The following ZNF415 variants were observed in gnomAD, a reference collection of about 807,000 sequenced individuals.
ZNF415 encodes the protein zinc finger protein 415.
Under a neutral mutation model 7.3 loss-of-function variants are expected in ZNF415, and 5 were observed. The ratio of observed to expected loss-of-function variants is 0.69; its 90% CI spans 0.36 to 1.44. The LOEUF is 1.44. Ranked by LOEUF, ZNF415 falls within the 40% of genes most tolerant of loss-of-function variation. The pLI is 0.04. For missense variants in ZNF415, 628 were observed against 664.8 expected, an observed-to-expected ratio of 0.94 and a Z score of 0.61; for synonymous variants, 207 against 226.3, an observed-to-expected ratio of 0.91 and a Z score of 0.77.
At position 53,123,592 on chromosome 19, in the gene ZNF415, C is replaced by T. The variant is rs577452888; in HGVS notation, c.-67-849G>A. On this transcript the variant is annotated intron_variant, in intron 1 of 3. Transcript: ENST00000243643. ...AAGCTCGGCCCAGGAACAGGAAGGA[C>T]GCATGCTTGGCTGGAGCAGAGGGAG... 8.8e-4 allele frequency: 350 copies of T among 398,812 alleles called. 2 individuals carry two copies. Among genetic ancestry groups the T allele is most frequent in the African/African-American group, 6.3e-3 (304 of 48,636 alleles). 24.7% of individuals were successfully genotyped at this position (398,812 alleles called of 1,614,324 possible). A position where few individuals can be genotyped will look rare whatever the true frequency, so the allele number is the denominator to read the frequency against.
Position 53,108,536 on chromosome 19 carries a change from T to C in ZNF415, c.1509A>G (p.Lys503=), listed in dbSNP as rs2085713645. Residue 503 remains lysine (K), a synonymous_variant, in exon 4 of 4, where the codon AAA becomes AAG. Coordinates refer to ENST00000243643, the MANE Select transcript of ZNF415 (RefSeq NM_018355.4). ...EKPYKCNECG[K]SFSVRPNLTR... is the part of the protein sequence containing the mutation. The stretch of plus-strand genomic sequence containing the variant: ...TGAGGTTTGGGCGCACACTAAAGGA[T>C]TTGCCACACTCATTACATTTGTAAG... 6.2e-7 allele frequency: 1 copy of C among 1,614,084 alleles called. No homozygotes were observed. The highest frequency in any genetic ancestry group is 8.5e-7 in the Non-Finnish European group (1 of 1,179,946).
chr19:53,119,162 G>A (rs1374667913), intron 2 of ZNF415, among the ~76,000 whole-genome samples: 2 of 151,820 alleles, frequency 1.3e-5, no homozygotes, highest in African/African-American at 2.4e-5. Flanking sequence ...GGCGCCTGTA[G>A]TCCCAGCTAC....
intron 2 of ZNF415, among the ~76,000 whole-genome samples, chr19:53,117,001 T>C (rs1182266543): frequency 6.6e-6 from 1 of 152,152 alleles, no homozygotes; most frequent in Non-Finnish European, 1.5e-5. Flanking sequence ...TAGAAAGCTA[T>C]TTAACAAAAT....
intron 1 of ZNF415, among the ~76,000 whole-genome samples, chr19:53,130,091 A>G (rs1016345294): frequency 1.6e-4 from 24 of 152,162 alleles, no homozygotes; most frequent in African/African-American, 5.5e-4. Context: ...AGAAAAGAAA[A>G]AAAGAAAATT....
chr19:53,114,025 AATTAT>A (rs1273983311), intron 3 of ZNF415, among the ~76,000 whole-genome samples: 1 of 152,184 alleles, frequency 6.6e-6, no homozygotes, highest in African/African-American at 2.4e-5. Flanking sequence ...GATGCTATTC[AATTAT>A]ATTAAAGAGT....
At position 53,119,146 on chromosome 19, in the gene ZNF415, G is replaced by A. The variant is rs561956634; in HGVS notation, c.16-2713C>T. ...AATACAAAAAAATTAGCTGGGTGTG[G>A]TGGTGGGCGCCTGTAGTCCCAGCTA... On this transcript the variant is annotated intron_variant, in intron 2 of 3. Coordinates refer to ENST00000243643, the MANE Select transcript of ZNF415 (RefSeq NM_018355.4). 2.0e-5 allele frequency among the ~76,000 whole-genome samples: 3 copies of A among 152,188 alleles called. No homozygotes were observed. In the East Asian group the frequency reaches 5.8e-4, roughly 29 times the overall value.
chr19:53,124,677 C>T (rs2088734441), intron 1 of ZNF415, among the ~76,000 whole-genome samples: 1 of 152,128 alleles, frequency 6.6e-6, no homozygotes, highest in South Asian at 2.1e-4. Flanking sequence ...CAGGAACAGA[C>T]CATTCCCAGT....
chr19:53,109,630 G>T lies in ZNF415; in HGVS notation c.415C>A (p.Leu139Ile), dbSNP rs1254969841. Residue 139 changes from leucine to isoleucine, a missense_variant, in exon 4 of 4, where the codon CTT becomes ATT. By Grantham distance (5) the Leu-to-Ile change is conservative (BLOSUM62 2). Coordinates refer to ENST00000243643, the MANE Select transcript of ZNF415 (RefSeq NM_018355.4). ...GGATGTGGTAGAAAGCTTAATCCAAGCTGATGTTTAATAGACTTGTTTCCT... is the reference window on the plus strand; with the variant it reads ...GGATGTGGTAGAAAGCTTAATCCAATCTGATGTTTAATAGACTTGTTTCCT... ...GIGNKSIKHQ[L>I]GLSFLPHPHE... 1 of 1,614,018 alleles carries T rather than the reference G, an allele frequency of 6.2e-7. No individual in the cohort carries two copies. The highest frequency in any genetic ancestry group is 1.3e-5 in the African/African-American group (1 of 74,914).
intron 1 of ZNF415, among the ~76,000 whole-genome samples, chr19:53,130,217 T>G (rs1299275471): frequency 6.6e-6 from 1 of 152,162 alleles, no homozygotes; most frequent in African/African-American, 2.4e-5. Flanking sequence ...AGAAGAAAAT[T>G]GAATAATAGA....
chr19:53,122,520 C>T lies in ZNF415; in HGVS notation c.15+142G>A, dbSNP rs2088279230. On this transcript the variant is annotated intron_variant, in intron 2 of 3. Coordinates refer to ENST00000243643, the MANE Select transcript of ZNF415 (RefSeq NM_018355.4). ...GGAATCTCAGTAGAGATGAGAAGGACTGAGGGAAGGCACGGGTCAATGTGA... is the reference window on the plus strand; with the variant it reads ...GGAATCTCAGTAGAGATGAGAAGGATTGAGGGAAGGCACGGGTCAATGTGA... The T allele has an allele frequency of 3.1e-6, 5 of 1,594,856 alleles. No homozygotes were observed. In the Admixed American group the frequency reaches 5.1e-5, roughly 16 times the overall value.
At chr19:53,110,754 TCTCTGAC>T (rs1196386183) in intron 3 of ZNF415, among the ~76,000 whole-genome samples, 1 of 152,216 alleles carries the variant, frequency 6.6e-6, no homozygotes, top group East Asian at 1.9e-4. Flanking sequence ...TATGTTAAGA[TCTCTGAC>T]ATTTGATGCA....
chr19:53,122,334 A>C, intron 2 of ZNF415: 1 of 1,452,660 alleles, frequency 6.9e-7, no homozygotes, highest in Non-Finnish European at 9.3e-7. Context: ...CGGAGAGCCG[A>C]CAGTGCATCC....
intron 2 of ZNF415, among the ~76,000 whole-genome samples, chr19:53,118,162 T>G (rs2087358538): frequency 6.6e-6 from 1 of 152,038 alleles, no homozygotes; most frequent in Non-Finnish European, 1.5e-5. Flanking sequence ...GTACCTCTAC[T>G]TCAATCTAAC....
At chr19:53,111,280 A>G (rs1337418746) in intron 3 of ZNF415, among the ~76,000 whole-genome samples, 1 of 151,312 alleles carries the variant, frequency 6.6e-6, no homozygotes, top group East Asian at 1.9e-4. Context: ...TTGACTTCCC[A>G]GCTTCCAGGT....
chr19:53,122,135 A>C (rs3786524), intron 2 of ZNF415, among the ~76,000 whole-genome samples: 12,684 of 151,954 alleles, frequency 0.083, 568 homozygotes, highest in East Asian at 0.12. Flanking sequence ...AATCCCAGCT[A>C]CTCGGGACGC....
At position 53,132,889 on chromosome 19, in the gene ZNF415, G is replaced by C. The variant is rs955666334; in HGVS notation, c.-101C>G. The C allele has an allele frequency of 6.6e-6, 1 of 152,244 alleles. No homozygotes were observed. The highest frequency in any genetic ancestry group is 2.1e-4 in the South Asian group (1 of 4,838). The allele number at this position is 152,244 out of a possible 1,614,324, so 9.4% of individuals were successfully genotyped here. A position where few individuals can be genotyped will look rare whatever the true frequency, so the allele number is the denominator to read the frequency against. On this transcript the variant is annotated 5_prime_UTR_variant, in exon 1 of 4. Coordinates refer to ENST00000243643, the MANE Select transcript of ZNF415 (RefSeq NM_018355.4). ...CCGTCACCTTCACCCAACGCGATCC[G>C]TTTCCGGGCCTGTAGGAAACTGCGC... is the stretch of plus-strand genomic sequence containing the variant.
At chr19:53,116,609 C>CTTTTTT (rs1410295819) in intron 2 of ZNF415, among the ~76,000 whole-genome samples, 176 bp from the exon 3 acceptor site, 3 of 81,118 alleles carry the variant, frequency 3.7e-5, no homozygotes, top group African/African-American at 1.5e-4. Context: ...GGTTTTTTTT[C>CTTTTTT]TCTCTTTTTT....
At chr19:53,125,427 T>C (rs1452643018) in intron 1 of ZNF415, among the ~76,000 whole-genome samples, 1 of 151,624 alleles carries the variant, frequency 6.6e-6, no homozygotes, top group Non-Finnish European at 1.5e-5. Context: ...CTCGGCTTCC[T>C]GTGCTGAAGC....
chr19:53,122,597 A>G, intron 2 of ZNF415, 65 bp downstream of exon 2: 3 of 1,611,572 alleles, frequency 1.9e-6, no homozygotes, highest in Non-Finnish European at 2.5e-6. Flanking sequence ...TGCAGCTCCA[A>G]GGCATTGTCT....
Sources: gnomAD v4.1 joint callset for allele counts (sites outside exome capture counted in the v4.1 genomes callset) on GRCh38, gnomAD v4.1.1 for gene constraint, MANE v1.5 for transcripts, NCBI Gene and HGNC (gene_info 2026-07-23, HGNC 2026-07-21) for gene names.